UMAD1: variants seen among roughly 807,000 people sequenced by gnomAD.
UMAD1 encodes the protein UBAP1-MVB12-associated (UMA)-domain containing protein 1.
Under a neutral mutation model 6.1 loss-of-function variants are expected in UMAD1, and 8 were observed. The ratio of observed to expected loss-of-function variants is 1.30; its 90% confidence interval spans 0.76 to 2.35. UMAD1 has a LOEUF of 2.35. Ranked by LOEUF, UMAD1 falls within the 30% of genes most tolerant of loss-of-function variation. The probability of loss-of-function intolerance (pLI) is 0.00; values close to 1 mark genes in which losing one functional copy is unlikely to be tolerated. For synonymous variants in UMAD1, 56 were observed against 31.4 expected, an observed-to-expected ratio of 1.78 and a Z score of -2.61; for missense variants, 130 against 78.4, an observed-to-expected ratio of 1.66 and a Z score of -2.49.
At chr7:7,745,274 C>T (rs114697341) in intron 2 of UMAD1, among the ~76,000 whole-genome samples, 231 of 152,214 alleles carry the variant, frequency 1.5e-3, no homozygotes, top group African/African-American at 5.3e-3. Context: ...AGAAAATACA[C>T]GTATAGTGTA....
In UMAD1 at chr7:7,767,849, T is replaced by C. The variant is rs1371199830; in HGVS notation, c.83-33821T>C. 4.6e-5 allele frequency among the ~76,000 whole-genome samples: 7 copies of C among 152,332 alleles called. No individual in the cohort carries two copies. In the South Asian group the frequency reaches 1.4e-3, roughly 32 times the overall value. ...GAGATGAGATCCCAAGCAAGCTGGC[T>C]CTTCACCTCTGTGTTCTACTGCCTT... On this transcript the variant is annotated intron_variant, in intron 2 of 3. Transcript: ENST00000682710.
At chr7:7,854,457 C>G (rs1307908039) in intron 3 of UMAD1, among the ~76,000 whole-genome samples, 3 of 151,524 alleles carry the variant, frequency 2.0e-5, no homozygotes, top group African/African-American at 7.3e-5. Flanking sequence ...CAGAAGATAC[C>G]TCTTTATGAG....
At chr7:7,791,360 G>C (rs1350322211) in intron 2 of UMAD1, among the ~76,000 whole-genome samples, 1 of 152,188 alleles carries the variant, frequency 6.6e-6, no homozygotes, top group African/African-American at 2.4e-5. Context: ...TGGGATTCAG[G>C]CTGAGGAATG....
chr7:7,730,228 G>A (rs924550571), intron 2 of UMAD1, among the ~76,000 whole-genome samples: 3 of 152,126 alleles, frequency 2.0e-5, no homozygotes, highest in Admixed American at 6.5e-5. Flanking sequence ...AACCTTGGCT[G>A]TACTTTGGAA....
At chr7:7,647,006 C>T (rs992861997) in intron 1 of UMAD1, among the ~76,000 whole-genome samples, 1 of 152,098 alleles carries the variant, frequency 6.6e-6, no homozygotes, top group East Asian at 1.9e-4. Context: ...GCCGCTTGTC[C>T]GTATCAGTTA....
intron 3 of UMAD1, among the ~76,000 whole-genome samples, chr7:7,819,826 TAGC>T (rs1361434603): frequency 6.6e-6 from 1 of 152,184 alleles, no homozygotes; most frequent in African/African-American, 2.4e-5. Context: ...ACTGTTGAAA[TAGC>T]AGACCATCCC....
chr7:7,730,205 C>T (rs1404871657), intron 2 of UMAD1, among the ~76,000 whole-genome samples: 1 of 152,184 alleles, frequency 6.6e-6, no homozygotes. Flanking sequence ...TTTGTCTTAA[C>T]TGGGTGAATT....
At chr7:7,647,543 G>A (rs1313245460) in intron 1 of UMAD1, among the ~76,000 whole-genome samples, 1 of 152,154 alleles carries the variant, frequency 6.6e-6, no homozygotes, top group African/African-American at 2.4e-5. Context: ...CGATAAATAT[G>A]TGACATAGCC....
chr7:7,792,149 T>C (rs1230852897), intron 2 of UMAD1, among the ~76,000 whole-genome samples: 1 of 152,240 alleles, frequency 6.6e-6, no homozygotes, highest in Non-Finnish European at 1.5e-5. Flanking sequence ...AATTTTGGTA[T>C]GCTAATTTAT....
intron 2 of UMAD1, among the ~76,000 whole-genome samples, chr7:7,727,958 A>G (rs1234786142): frequency 2.0e-5 from 3 of 151,568 alleles, no homozygotes; most frequent in Admixed American, 6.6e-5. Context: ...ATACTCCTTA[A>G]TAAACTCTTT....
chr7:7,744,536 A>G (rs1471993154), intron 2 of UMAD1, among the ~76,000 whole-genome samples: 1 of 151,818 alleles, frequency 6.6e-6, no homozygotes, highest in East Asian at 1.9e-4. Context: ...CATAGTCCCA[A>G]CCAGCTGTGT....
intron 2 of UMAD1, chr7:7,742,594 G>A (rs945564603): frequency 2.9e-5 from 14 of 490,570 alleles, no homozygotes; most frequent in Non-Finnish European, 4.3e-5. Context: ...ATTTCTAGAA[G>A]GATTAAAGGA....
At chr7:7,811,918 A>G (rs1783028238) in intron 3 of UMAD1, among the ~76,000 whole-genome samples, 1 of 152,106 alleles carries the variant, frequency 6.6e-6, no homozygotes. Context: ...CTTTTAGTCT[A>G]TAGGTAATCT....
chr7:7,812,574 G>T (rs1320331925), intron 3 of UMAD1, among the ~76,000 whole-genome samples: 1 of 151,742 alleles, frequency 6.6e-6, no homozygotes, highest in Non-Finnish European at 1.5e-5. Flanking sequence ...TTAGAAGGAG[G>T]AATCAAAATG....
At chr7:7,857,244 A>C (rs1784035237) in intron 3 of UMAD1, among the ~76,000 whole-genome samples, 1 of 152,166 alleles carries the variant, frequency 6.6e-6, no homozygotes, top group South Asian at 2.1e-4. Context: ...TTAAGGGTCC[A>C]CCCGGGAGTT....
At chr7:7,754,132 C>T (rs1396119520) in intron 2 of UMAD1, among the ~76,000 whole-genome samples, 4 of 152,006 alleles carry the variant, frequency 2.6e-5, no homozygotes, top group Non-Finnish European at 5.9e-5. Flanking sequence ...TTGCAGTGAG[C>T]CAAGATTGCG....
At chr7:7,813,567 A>G (rs1446094774) in intron 3 of UMAD1, among the ~76,000 whole-genome samples, 2 of 151,166 alleles carry the variant, frequency 1.3e-5, no homozygotes, top group African/African-American at 4.9e-5. Flanking sequence ...TACACGTAAG[A>G]GCACAGTGAT....
At chr7:7,747,994 T>A (rs1296527455) in intron 2 of UMAD1, among the ~76,000 whole-genome samples, 1 of 152,220 alleles carries the variant, frequency 6.6e-6, no homozygotes, top group Non-Finnish European at 1.5e-5. Context: ...TTGTTTACAG[T>A]GGCGTGATCT....
chr7:7,836,836 T>C (rs151289778), intron 3 of UMAD1, among the ~76,000 whole-genome samples: 1 of 151,626 alleles, frequency 6.6e-6, no homozygotes, highest in Admixed American at 6.6e-5. Context: ...TGCATAATAG[T>C]AGCATGAAGG....
Sources: allele counts gnomAD v4.1 joint callset (sites outside exome capture counted in the v4.1 genomes callset), GRCh38; gene constraint gnomAD v4.1.1; transcripts MANE v1.5; gene names NCBI Gene and HGNC (gene_info 2026-07-23, HGNC 2026-07-21).